Variants in OPRM1 observed in about 807,000 individuals in gnomAD.
The protein encoded by OPRM1 is mu-type opioid receptor.
Under a neutral mutation model 31.8 loss-of-function variants are expected in OPRM1, and 27 were observed. That is an observed-to-expected ratio of 0.85 (90% CI 0.63 to 1.17). OPRM1 has a LOEUF of 1.17. Ranked by LOEUF, OPRM1 falls within the 50% of genes most tolerant of loss-of-function variation. OPRM1 has a pLI of 0.00. For synonymous variants in OPRM1, 196 were observed against 189.9 expected, an observed-to-expected ratio of 1.03 and a Z score of -0.26; for missense variants, 536 against 511.1, an observed-to-expected ratio of 1.05 and a Z score of -0.47.
chr6:154,067,257 C>A (rs1785624492), intron 1 of OPRM1, among the ~76,000 whole-genome samples: 1 of 151,704 alleles, frequency 6.6e-6, no homozygotes, highest in South Asian at 2.1e-4. Context: ...AAGTTGTTAA[C>A]TTAAGATTTT....
intron 3 of OPRM1, among the ~76,000 whole-genome samples, chr6:154,210,854 T>A (rs1325948459): frequency 6.6e-6 from 1 of 152,162 alleles, no homozygotes; most frequent in Non-Finnish European, 1.5e-5. Flanking sequence ...TTCAACAATA[T>A]TTATGTCTTT....
chr6:154,061,828 GA>G lies in OPRM1; in HGVS notation c.290+22004del, dbSNP rs11441094. On this transcript the variant is annotated intron_variant, in intron 1 of 3. Transcript: ENST00000330432. Reference sequence around the variant, plus strand: ...ACTCCCTAAAAAAAAATAATAGTTGGAAAAAAAAAAGGTGTTAAGGAAATGT... The same window carrying G: ...ACTCCCTAAAAAAAAATAATAGTTGGAAAAAAAAAGGTGTTAAGGAAATGT... Among the ~76,000 whole-genome samples, 26 of 146,992 alleles carry G rather than the reference GA, an allele frequency of 1.8e-4. 1 individual carries two copies. Among genetic ancestry groups the G allele is most frequent in the South Asian group, 8.7e-4 (4 of 4,594 alleles).
intron 3 of OPRM1, among the ~76,000 whole-genome samples, chr6:154,178,289 A>T (rs1341979701): frequency 6.6e-6 from 1 of 152,156 alleles, no homozygotes; most frequent in Non-Finnish European, 1.5e-5. Flanking sequence ...AAAGTATAAT[A>T]ATAAAAAAAA....
At chr6:154,088,679 G>A (rs979224967) in intron 1 of OPRM1, among the ~76,000 whole-genome samples, 1 of 152,124 alleles carries the variant, frequency 6.6e-6, no homozygotes, top group African/African-American at 2.4e-5. Flanking sequence ...CTTTAATTAT[G>A]CGTTATTTAT....
chr6:154,028,244 T>C (rs1338207336), intron 1 of OPRM1, among the ~76,000 whole-genome samples: 1 of 152,186 alleles, frequency 6.6e-6, no homozygotes, highest in Non-Finnish European at 1.5e-5. Context: ...GCAGGTTCCC[T>C]TCTGGCCCAG....
rs1047392932 is a variant in OPRM1, at chr6:154,130,144, C to T, written c.*11423C>T. 1.5e-4 allele frequency among the ~76,000 whole-genome samples: 22 copies of T among 149,182 alleles called. No homozygotes were observed. The highest frequency in any genetic ancestry group is 1.3e-4 in the Admixed American group (2 of 14,842). On this transcript the variant is annotated 3_prime_UTR_variant, in exon 4 of 4. Transcript: ENST00000330432. ...ATTATTTTGTCTCTACCCAAACCAT[C>T]GATTTCATGGAAATGTTTAAATTTT...
chr6:154,104,487 A>G (rs1435103182), intron 3 of OPRM1, among the ~76,000 whole-genome samples: 1 of 152,192 alleles, frequency 6.6e-6, no homozygotes, highest in African/African-American at 2.4e-5. Context: ...AGATTTTTAC[A>G]TTACCCATCC....
chr6:154,038,580 T>G (rs761897673), upstream of OPRM1, among the ~76,000 whole-genome samples: 5 of 152,176 alleles, frequency 3.3e-5, no homozygotes, highest in Non-Finnish European at 7.4e-5. Flanking sequence ...CGAGGAAGTC[T>G]TCAGATAAAA....
At chr6:154,057,701 G>A (rs1369274401) in intron 1 of OPRM1, among the ~76,000 whole-genome samples, 1 of 152,286 alleles carries the variant, frequency 6.6e-6, no homozygotes, top group African/African-American at 2.4e-5. Flanking sequence ...AAATAGTAAG[G>A]ATATCGGCAC....
rs1257795963 is a variant in OPRM1, at chr6:154,122,333, T to G, written c.*3612T>G. ...CTTGCCTGGATTCTCAACATAAGTC[T>G]TTACTCACAGGCCTATTGCTTGGTT... On this transcript the variant is annotated 3_prime_UTR_variant, in exon 4 of 4. Transcript: ENST00000330432. Among the ~76,000 whole-genome samples the G allele has an allele frequency of 6.6e-6, 1 of 152,162 alleles. No homozygotes were observed. Among genetic ancestry groups the G allele is most frequent in the Non-Finnish European group, 1.5e-5 (1 of 68,020 alleles).
At position 154,107,953 on chromosome 6, in the gene OPRM1, T is replaced by TTTTATTTTA. The variant is rs61614242; in HGVS notation, c.1165-10727_1165-10726insATTTTATTT. 1.3e-3 allele frequency: 689 copies of TTTTATTTTA among 518,102 alleles called. 5 individuals are homozygous for TTTTATTTTA. Among genetic ancestry groups the TTTTATTTTA allele is most frequent in the African/African-American group, 0.013 (533 of 42,330 alleles). 32.1% of individuals were successfully genotyped at this position (518,102 alleles called of 1,614,324 possible). A position where few individuals can be genotyped will look rare whatever the true frequency, so the allele number is the denominator to read the frequency against. ...TTTACAGAGGAGATAAACACTGATT[T>TTTTATTTTA]TTTTATTTTATTTTATTTTATTTTA... On this transcript the variant is annotated intron_variant, in intron 3 of 3. Coordinates refer to ENST00000330432, the MANE Select transcript of OPRM1 (RefSeq NM_000914.5).
chr6:154,070,108 A>G (rs999193446), intron 1 of OPRM1, among the ~76,000 whole-genome samples: 1 of 152,222 alleles, frequency 6.6e-6, no homozygotes, highest in Non-Finnish European at 1.5e-5. Context: ...CAGAAGCAAC[A>G]GTCAGCACTC....
At chr6:154,099,536 G>A (rs1401463883) in intron 3 of OPRM1, among the ~76,000 whole-genome samples, 2 of 149,928 alleles carry the variant, frequency 1.3e-5, no homozygotes, top group Non-Finnish European at 3.0e-5. Flanking sequence ...AGAGGAAAGA[G>A]AGAGAGGGAG....
intron 1 of OPRM1, among the ~76,000 whole-genome samples, chr6:154,080,039 G>A (rs1198484545): frequency 6.6e-6 from 1 of 152,098 alleles, no homozygotes; most frequent in Non-Finnish European, 1.5e-5. Flanking sequence ...CTCTAGCATG[G>A]TTAATGAAAA....
intron 3 of OPRM1, among the ~76,000 whole-genome samples, chr6:154,218,025 A>G (rs189698711): frequency 1.7e-3 from 263 of 152,322 alleles, no homozygotes; most frequent in South Asian, 0.01. Context: ...GATGTTTAGA[A>G]TCTTGTTTGA....
chr6:154,160,948 G>A (rs906597992), intron 3 of OPRM1, among the ~76,000 whole-genome samples: 3 of 152,218 alleles, frequency 2.0e-5, no homozygotes, highest in East Asian at 1.9e-4. Flanking sequence ...TGTAAATGCC[G>A]AGTCCCCCTC....
At chr6:154,064,456 A>G (rs780258518) in intron 1 of OPRM1, among the ~76,000 whole-genome samples, 1 of 152,062 alleles carries the variant, frequency 6.6e-6, no homozygotes, top group East Asian at 1.9e-4. Context: ...TACTACATGG[A>G]TAGTGTCCTT....
chr6:154,088,631 C>G (rs1267055770), intron 1 of OPRM1, among the ~76,000 whole-genome samples: 5 of 152,168 alleles, frequency 3.3e-5, no homozygotes, highest in Non-Finnish European at 7.4e-5. Context: ...GGTGGTTTCA[C>G]AGGTGTACAC....
intron 3 of OPRM1, chr6:154,223,296 A>G (rs1030850800): frequency 2.3e-6 from 3 of 1,328,644 alleles, no homozygotes; most frequent in African/African-American, 1.4e-5. Context: ...CCTGGGGATT[A>G]GTGCATTGAG....
Sources: allele counts gnomAD v4.1 joint callset (sites outside exome capture counted in the v4.1 genomes callset), GRCh38; gene constraint gnomAD v4.1.1; transcripts MANE v1.5; gene names NCBI Gene and HGNC (gene_info 2026-07-23, HGNC 2026-07-21).